LCOR: variants seen among roughly 807,000 people sequenced by gnomAD.
LCOR encodes ligand dependent nuclear receptor corepressor, also known as ligand-dependent corepressor.
LCOR carries 14 observed loss-of-function variants against 64.4 expected under a neutral mutation model. The observed-to-expected ratio is 0.22, with a 90% confidence interval of 0.14 to 0.34. The LOEUF is 0.34. Ranked by LOEUF, LCOR falls within the 10% of genes least tolerant of loss-of-function variation. LCOR has a pLI of 1.00. For synonymous variants in LCOR, 643 were observed against 642.5 expected (o/e 1.00, Z -0.01); for missense variants, 1,686 against 1,765.3 (o/e 0.96, Z 0.80).
intron 4 of LCOR, among the ~76,000 whole-genome samples, chr10:96,910,220 A>C (rs1250979803): frequency 6.6e-6 from 1 of 152,140 alleles, no homozygotes; most frequent in Non-Finnish European, 1.5e-5. Context: ...TTTAGAAGAA[A>C]ATACAGATAG....
chr10:96,854,161 T>C (rs1845765718), intron 2 of LCOR, among the ~76,000 whole-genome samples: 1 of 152,166 alleles, frequency 6.6e-6, no homozygotes, highest in Admixed American at 6.5e-5. Context: ...AATATCTCAT[T>C]GGCTAAATGA....
intron 2 of LCOR, among the ~76,000 whole-genome samples, chr10:96,848,887 T>C (rs4471352): frequency 6.6e-6 from 1 of 152,090 alleles, no homozygotes; most frequent in African/African-American, 2.4e-5. Flanking sequence ...TCATTTAATA[T>C]ATTTCTATCT....
chr10:96,856,177 T>C (rs1845801177), intron 2 of LCOR, among the ~76,000 whole-genome samples: 1 of 151,534 alleles, frequency 6.6e-6, no homozygotes, highest in East Asian at 2.0e-4. Flanking sequence ...TTCAAGCAAT[T>C]CTTCTGCCTC....
chr10:96,937,722 TAGG>T (rs1256106482), intron 4 of LCOR, among the ~76,000 whole-genome samples: 2 of 152,138 alleles, frequency 1.3e-5, no homozygotes, highest in East Asian at 1.9e-4. Context: ...TTTCAAAGTA[TAGG>T]AGAAGAGAGA....
chr10:96,863,761 T>C (rs1302949765), intron 2 of LCOR, among the ~76,000 whole-genome samples: 2 of 152,220 alleles, frequency 1.3e-5, no homozygotes, highest in African/African-American at 4.8e-5. Context: ...CTTAGGCGTT[T>C]GCTAAAATAC....
intron 4 of LCOR, among the ~76,000 whole-genome samples, chr10:96,912,638 T>TCCTTCCTTCCTG (rs1349203695): frequency 6.6e-6 from 1 of 151,930 alleles, no homozygotes; most frequent in African/African-American, 2.4e-5. Context: ...CTTCCTTCCT[T>TCCTTCCTTCCTG]CCTTCCTTTC....
At chr10:96,904,111 T>C (rs953584347) in intron 2 of LCOR, among the ~76,000 whole-genome samples, 2 of 152,226 alleles carry the variant, frequency 1.3e-5, no homozygotes, top group Non-Finnish European at 2.9e-5. Context: ...TGAAGATTCA[T>C]GAGGGCAGGT....
intron 2 of LCOR, among the ~76,000 whole-genome samples, chr10:96,894,681 G>C (rs1846506807): frequency 1.3e-5 from 2 of 152,266 alleles, no homozygotes; most frequent in East Asian, 1.9e-4. Flanking sequence ...GCCAGACTGA[G>C]GGTTTATCTT....
At chr10:96,941,661 CGGA>C (rs1847482755) in intron 4 of LCOR, among the ~76,000 whole-genome samples, 1 of 149,490 alleles carries the variant, frequency 6.7e-6, no homozygotes. Flanking sequence ...GGCTGCCGGA[CGGA>C]GGGGCTCCTC....
At chr10:96,957,145 A>AG in intron 7 of LCOR, 1 of 984,910 alleles carries the variant, frequency 1.0e-6, no homozygotes, top group Non-Finnish European at 1.2e-6. Context: ...TACTAGTAGA[A>AG]GGGGGAGGGA....
rs965160728 is a variant in LCOR, at chr10:96,985,923, C to G, written c.*789C>G. ...TCTCACCATCTTCTTCATTTCTGGT[C>G]TTGCTAGCACTCCTGCAAGGCTTCC... On this transcript the variant is annotated 3_prime_UTR_variant, in exon 8 of 8. Coordinates refer to ENST00000421806, the MANE Select transcript of LCOR (RefSeq NM_001346516.2). 7 of 167,000 alleles carry G rather than the reference C, an allele frequency of 4.2e-5. No individual in the cohort carries two copies. Among genetic ancestry groups the G allele is most frequent in the Non-Finnish European group, 8.8e-5 (6 of 68,108 alleles). 10.3% of individuals were successfully genotyped at this position (167,000 alleles called of 1,614,324 possible). A position where few individuals can be genotyped will look rare whatever the true frequency, so the allele number is the denominator to read the frequency against.
At chr10:96,860,504 G>A (rs1845870878) in intron 2 of LCOR, among the ~76,000 whole-genome samples, 2 of 152,322 alleles carry the variant, frequency 1.3e-5, no homozygotes, top group African/African-American at 2.4e-5. Flanking sequence ...GAGGGAGCAT[G>A]GCCATGCCAA....
intron 2 of LCOR, among the ~76,000 whole-genome samples, chr10:96,836,572 A>G (rs954169575): frequency 6.6e-6 from 1 of 152,216 alleles, no homozygotes; most frequent in Non-Finnish European, 1.5e-5. Flanking sequence ...GAGAAAATGT[A>G]ATGTAATCGA....
chr10:96,867,934 G>C (rs1589616950), intron 2 of LCOR, among the ~76,000 whole-genome samples: 1 of 152,028 alleles, frequency 6.6e-6, no homozygotes, highest in East Asian at 1.9e-4. Flanking sequence ...GCTCAGGCTA[G>C]AGTACAATGG....
At chr10:96,844,588 T>A (rs931201020) in intron 2 of LCOR, among the ~76,000 whole-genome samples, 2 of 152,230 alleles carry the variant, frequency 1.3e-5, no homozygotes, top group African/African-American at 4.8e-5. Context: ...GTCACAGTCC[T>A]ATTTGTGTTT....
At chr10:96,872,950 TTA>T (rs58438171) in intron 2 of LCOR, among the ~76,000 whole-genome samples, 21,364 of 152,058 alleles carry the variant, frequency 0.14, 2,053 homozygotes, top group African/African-American at 0.27. Context: ...TACTGTAGTA[TTA>T]TATGACAGCA....
At chr10:96,837,331 A>G (rs1486170171) in intron 2 of LCOR, among the ~76,000 whole-genome samples, 1 of 151,324 alleles carries the variant, frequency 6.6e-6, no homozygotes, top group East Asian at 2.0e-4. Context: ...ATCTTGGCTC[A>G]CTGCAACCTC....
intron 2 of LCOR, among the ~76,000 whole-genome samples, chr10:96,878,545 T>G (rs779582986): frequency 9.9e-5 from 15 of 152,156 alleles, no homozygotes; most frequent in Non-Finnish European, 1.5e-4. Flanking sequence ...GAGTTGCCAT[T>G]AACCAAGAAG....
chr10:96,930,373 A>G (rs1316128534), intron 4 of LCOR, among the ~76,000 whole-genome samples: 1 of 152,118 alleles, frequency 6.6e-6, no homozygotes, highest in South Asian at 2.1e-4. Flanking sequence ...ATCTTTCTTT[A>G]TAAAGTTTAT....
Sources: allele counts gnomAD v4.1 joint callset (sites outside exome capture counted in the v4.1 genomes callset), GRCh38; gene constraint gnomAD v4.1.1; transcripts MANE v1.5; gene names NCBI Gene and HGNC (gene_info 2026-07-23, HGNC 2026-07-21).